Variants in TBL1XR1 observed in about 807,000 individuals in gnomAD.
TBL1XR1 encodes the protein F-box-like/WD repeat-containing protein TBL1XR1.
Under a neutral mutation model 66.9 loss-of-function variants are expected in TBL1XR1, and 5 were observed. The ratio of observed to expected loss-of-function variants is 0.07; its 90% CI spans 0.04 to 0.16. TBL1XR1 has a LOEUF of 0.16. Among genes scored for constraint, TBL1XR1 ranks in the 10% least tolerant of loss-of-function variants. The probability of loss-of-function intolerance (pLI) is 1.00; values close to 1 mark genes in which losing one functional copy is unlikely to be tolerated. For missense variants in TBL1XR1, 238 were observed against 623.2 expected (o/e 0.38, Z 6.58); for synonymous variants, 210 against 206.0 (o/e 1.02, Z -0.17).
chr3:177,100,815 C>T (rs1289025997), intron 1 of TBL1XR1, among the ~76,000 whole-genome samples: 5 of 151,602 alleles, frequency 3.3e-5, no homozygotes, highest in East Asian at 3.9e-4. Context: ...GTGAAGAGTT[C>T]GTTCTTGTAG....
At chr3:177,075,146 G>A (rs1053181925) in intron 2 of TBL1XR1, among the ~76,000 whole-genome samples, 3 of 152,190 alleles carry the variant, frequency 2.0e-5, no homozygotes, top group Non-Finnish European at 2.9e-5. Context: ...GCAGTGCCAC[G>A]ATCCCTCCAA....
chr3:177,178,688 A>G (rs1734442018), intron 1 of TBL1XR1, among the ~76,000 whole-genome samples: 2 of 152,164 alleles, frequency 1.3e-5, no homozygotes, highest in African/African-American at 4.8e-5. Context: ...TTATACAGGA[A>G]TCCAGCGATC....
chr3:177,199,732 T>G (rs908232261), upstream of TBL1XR1, among the ~76,000 whole-genome samples: 1 of 152,180 alleles, frequency 6.6e-6, no homozygotes, highest in Non-Finnish European at 1.5e-5. Context: ...CAGCCTGAAG[T>G]TCTTATACCC....
In TBL1XR1 at chr3:177,127,100, C is replaced by A. The variant is rs574526904; in HGVS notation, c.-121-28559G>T. On this transcript the variant is annotated intron_variant, in intron 1 of 15. Coordinates refer to ENST00000457928, the MANE Select transcript of TBL1XR1 (RefSeq NM_024665.7). ...GCCACAGATTATAATCAATGTGGAA[C>A]CTGCTGCCCAAGTATAATTCTTTCC... is the stretch of plus-strand genomic sequence containing the variant. Among the ~76,000 whole-genome samples, 5 of 152,240 alleles carry A rather than the reference C, an allele frequency of 3.3e-5. No homozygotes were observed. The East Asian group carries it at 5.8e-4, about 18-fold the overall frequency.
intron 2 of TBL1XR1, among the ~76,000 whole-genome samples, chr3:177,069,795 A>AGGAAG (rs1553824734): frequency 0.01 from 723 of 70,690 alleles, 6 homozygotes; most frequent in Non-Finnish European, 0.018. Context: ...AAGGAAGGAA[A>AGGAAG]GGAAGGAAGG....
chr3:177,161,159 A>T (rs1732164778), intron 1 of TBL1XR1, among the ~76,000 whole-genome samples: 1 of 152,162 alleles, frequency 6.6e-6, no homozygotes, highest in South Asian at 2.1e-4. Flanking sequence ...TTAACAGCAT[A>T]ATTTTCCATT....
At chr3:177,130,825 A>C (rs1728207000) in intron 1 of TBL1XR1, among the ~76,000 whole-genome samples, 1 of 152,194 alleles carries the variant, frequency 6.6e-6, no homozygotes, top group Non-Finnish European at 1.5e-5. Flanking sequence ...TTTTGAAAGA[A>C]AAGGCCACCA....
chr3:177,137,344 C>A (rs1035512781), intron 1 of TBL1XR1, among the ~76,000 whole-genome samples: 1 of 151,616 alleles, frequency 6.6e-6, no homozygotes, highest in Non-Finnish European at 1.5e-5. Context: ...ATACAAAAAT[C>A]GTCAGGGCGT....
chr3:177,186,064 C>T (rs1735369361), intron 1 of TBL1XR1, among the ~76,000 whole-genome samples: 1 of 152,098 alleles, frequency 6.6e-6, no homozygotes. Flanking sequence ...ACATCTCTCA[C>T]CAGGTGTCAA....
chr3:177,054,675 A>G lies in TBL1XR1; in HGVS notation c.59-757T>C, dbSNP rs187066135. Reference sequence around the variant, plus strand: ...AAATAAATTCAAATATTAAAAAATCATAACGGTTAAATCTCATTTTATGTA... The same window carrying G: ...AAATAAATTCAAATATTAAAAAATCGTAACGGTTAAATCTCATTTTATGTA... On this transcript the variant is annotated intron_variant, in intron 3 of 15. Transcript: ENST00000457928. Among the ~76,000 whole-genome samples the G allele has an allele frequency of 3.5e-4, 53 of 152,312 alleles. 1 individual carries two copies. The East Asian group carries it at 0.01, about 29-fold the overall frequency.
chr3:177,089,003 G>A lies in TBL1XR1; in HGVS notation c.-46+9463C>T, dbSNP rs549611913. Among the ~76,000 whole-genome samples the A allele has an allele frequency of 6.6e-4, 101 of 151,978 alleles. 1 individual carries two copies. The highest frequency in any genetic ancestry group is 1.3e-3 in the Non-Finnish European group (85 of 67,978). Reference sequence around the variant, plus strand: ...AGTAGGTAATAATCATTGACTCCTCGCTATGTACCACACTCTTTCTCGGCA... The same window carrying A: ...AGTAGGTAATAATCATTGACTCCTCACTATGTACCACACTCTTTCTCGGCA... On this transcript the variant is annotated intron_variant, in intron 2 of 15. Coordinates refer to ENST00000457928, the MANE Select transcript of TBL1XR1 (RefSeq NM_024665.7).
At chr3:177,098,212 C>CA (rs906923028) in intron 2 of TBL1XR1, among the ~76,000 whole-genome samples, 1 of 119,074 alleles carries the variant, frequency 8.4e-6, no homozygotes, top group Non-Finnish European at 1.7e-5. Context: ...AACTCCGTCT[C>CA]AAAAAAACAT....
intron 1 of TBL1XR1, among the ~76,000 whole-genome samples, chr3:177,166,986 C>G (rs1224546430): frequency 6.6e-6 from 1 of 152,214 alleles, no homozygotes; most frequent in Non-Finnish European, 1.5e-5. Context: ...ATCCAGCAAA[C>G]ATTTCCTTGG....
At chr3:177,113,581 A>C (rs1296071725) in intron 1 of TBL1XR1, among the ~76,000 whole-genome samples, 1 of 152,206 alleles carries the variant, frequency 6.6e-6, no homozygotes, top group Non-Finnish European at 1.5e-5. Flanking sequence ...CTGTAATCTT[A>C]ACATTTTAGA....
intron 1 of TBL1XR1, among the ~76,000 whole-genome samples, chr3:177,181,835 A>AC (rs199984215): frequency 0.028 from 3,548 of 125,592 alleles, 151 homozygotes; most frequent in African/African-American, 0.086. Flanking sequence ...AAAAAAAAAA[A>AC]AACACACACA....
At chr3:177,146,233 T>G (rs187619725) in intron 1 of TBL1XR1, among the ~76,000 whole-genome samples, 1 of 152,092 alleles carries the variant, frequency 6.6e-6, no homozygotes, top group Non-Finnish European at 1.5e-5. Context: ...TGTACAGCAG[T>G]ACATCTTCAC....
At chr3:177,130,886 A>G (rs890636778) in intron 1 of TBL1XR1, among the ~76,000 whole-genome samples, 1 of 152,220 alleles carries the variant, frequency 6.6e-6, no homozygotes, top group Non-Finnish European at 1.5e-5. Flanking sequence ...TGAGCCGGAC[A>G]CAGAGGCTTG....
chr3:177,127,496 T>C (rs1040681973), intron 1 of TBL1XR1, among the ~76,000 whole-genome samples: 1 of 152,008 alleles, frequency 6.6e-6, no homozygotes, highest in Non-Finnish European at 1.5e-5. Flanking sequence ...ACACTTTGGA[T>C]TGCAATCATT....
chr3:177,051,810 G>A, intron 4 of TBL1XR1, 84 bp from the exon 5 acceptor site: 1 of 1,346,296 alleles, frequency 7.4e-7, no homozygotes, highest in African/African-American at 1.5e-5. Context: ...GAAATGAAAT[G>A]AAAATCTTCG....
Sources: gnomAD v4.1 joint callset for allele counts (sites outside exome capture counted in the v4.1 genomes callset) on GRCh38, gnomAD v4.1.1 for gene constraint, MANE v1.5 for transcripts, NCBI Gene and HGNC (gene_info 2026-07-23, HGNC 2026-07-21) for gene names.